DCLK2: variants seen among roughly 807,000 people sequenced by gnomAD.
The protein encoded by DCLK2 is serine/threonine-protein kinase DCLK2.
In DCLK2, 31 loss-of-function variants were observed where a neutral mutation model predicts 78.4. That is an observed-to-expected ratio of 0.40 (90% CI 0.30 to 0.53). The LOEUF (loss-of-function observed/expected upper bound fraction) is 0.53. Ranked by LOEUF, DCLK2 falls within the 20% of genes least tolerant of loss-of-function variation. The probability of loss-of-function intolerance (pLI) is 0.61; values close to 1 mark genes in which losing one functional copy is unlikely to be tolerated. For synonymous variants in DCLK2, 407 were observed against 374.9 expected, an observed-to-expected ratio of 1.09 and a Z score of -0.99; for missense variants, 872 against 973.7, an observed-to-expected ratio of 0.90 and a Z score of 1.39.
chr4:150,233,274 C>T (rs138643499), intron 10 of DCLK2, among the ~76,000 whole-genome samples: 242 of 152,276 alleles, frequency 1.6e-3, no homozygotes, highest in African/African-American at 5.7e-3. Flanking sequence ...ACCACAGGAA[C>T]AGCATGGGGG....
chr4:150,232,397 A>T lies in DCLK2; in HGVS notation c.1360A>T (p.Met454Leu), dbSNP rs1267238335. ...LRRVKHPNII[M>L]LVEEMETATE... ...CCGAGTGAAACATCCCAATATCATT[A>T]TGCTGGTCGAGGAGATGGAAACAGC... Residue 454 changes from methionine to leucine, a missense_variant, in exon 9 of 16, where the codon ATG (methionine) becomes TTG (leucine). Coordinates refer to ENST00000296550, the MANE Select transcript of DCLK2 (RefSeq NM_001040260.4). 5.0e-6 allele frequency: 8 copies of T among 1,614,080 alleles called. No individual in the cohort carries two copies. The highest frequency in any genetic ancestry group is 1.3e-5 in the African/African-American group (1 of 74,940).
intron 2 of DCLK2, among the ~76,000 whole-genome samples, chr4:150,163,937 A>G (rs563188184): frequency 2.1e-4 from 32 of 152,162 alleles, no homozygotes; most frequent in Non-Finnish European, 3.5e-4. Context: ...CCTTTGCAAC[A>G]TCTGTTTTGC....
chr4:150,249,330 C>G (rs1743570450), intron 14 of DCLK2, among the ~76,000 whole-genome samples: 1 of 152,084 alleles, frequency 6.6e-6, no homozygotes, highest in African/African-American at 2.4e-5. Context: ...TCTCCTGGGC[C>G]TACTCTAGTC....
intron 2 of DCLK2, among the ~76,000 whole-genome samples, chr4:150,109,801 C>T (rs548850116): frequency 6.6e-6 from 1 of 152,284 alleles, no homozygotes; most frequent in African/African-American, 2.4e-5. Flanking sequence ...TATTTCTGTT[C>T]AGCAGGAAAT....
At chr4:150,206,725 A>G (rs1739871889) in intron 5 of DCLK2, among the ~76,000 whole-genome samples, 2 of 152,184 alleles carry the variant, frequency 1.3e-5, no homozygotes, top group African/African-American at 4.8e-5. Flanking sequence ...ATGAGTAACT[A>G]ATGTCTCTGC....
At position 150,256,468 on chromosome 4, in the gene DCLK2, C is replaced by G. The variant is rs1744578011; in HGVS notation, c.*221C>G. ...TTCCTGGAGGCATCAAAGGCTGCAT[C>G]CGTTCTGCCAACAGCTGTTCGGAGA... On this transcript the variant is annotated 3_prime_UTR_variant, in exon 16 of 16. Transcript: ENST00000296550. The G allele has an allele frequency of 1.8e-6, 1 of 558,398 alleles. No homozygotes were observed. Among genetic ancestry groups the G allele is most frequent in the Admixed American group, 3.4e-5 (1 of 29,058 alleles). The allele number at this position is 558,398 out of a possible 1,614,324, so 34.6% of individuals were successfully genotyped here. A position where few individuals can be genotyped will look rare whatever the true frequency, so the allele number is the denominator to read the frequency against.
At position 150,232,375 on chromosome 4, in the gene DCLK2, A is replaced by G. The variant is rs1214975592; in HGVS notation, c.1338A>G (p.Arg446=). The change falls in exon 9 of 16, where the codon CGA becomes CGG. Residue 446 remains arginine (R), a synonymous_variant. Transcript: ENST00000296550. ...AGAATGAAGTGTCAATACTGCGCCG[A>G]GTGAAACATCCCAATATCATTATGC... ...LIENEVSILR[R]VKHPNIIMLV... is the part of the protein sequence containing the mutation. The G allele has an allele frequency of 3.1e-6, 5 of 1,614,168 alleles. No homozygotes were observed. Among genetic ancestry groups the G allele is most frequent in the Non-Finnish European group, 1.7e-6 (2 of 1,179,996 alleles).
chr4:150,175,145 T>A (rs1580651803), intron 2 of DCLK2, among the ~76,000 whole-genome samples: 1 of 67,724 alleles, frequency 1.5e-5, no homozygotes, highest in African/African-American at 7.9e-5. Context: ...TTTATGTATA[T>A]TTTATATATA....
chr4:150,250,862 A>AC lies in DCLK2; in HGVS notation c.2073+1183dup, dbSNP rs1385684012. On this transcript the variant is annotated intron_variant, in intron 15 of 15. Transcript: ENST00000296550. ...CCACACACATAACCCACATCCCCAC[A>AC]CCCCCAACATCCCCCACACTCCCCA... 7.7e-5 allele frequency among the ~76,000 whole-genome samples: 7 copies of AC among 91,268 alleles called. No homozygotes were observed. In the East Asian group the frequency reaches 1.1e-3, roughly 14 times the overall value. 59.9% of individuals were successfully genotyped at this position (91,268 alleles called of 152,430 possible).
intron 1 of DCLK2, among the ~76,000 whole-genome samples, chr4:150,098,309 C>T (rs535619188): frequency 2.6e-5 from 4 of 152,220 alleles, no homozygotes; most frequent in South Asian, 4.1e-4. Flanking sequence ...TTTTGTGTCA[C>T]TTTATCATAA....
intron 2 of DCLK2, among the ~76,000 whole-genome samples, chr4:150,115,788 C>G (rs62338170): frequency 6.6e-6 from 1 of 151,954 alleles, no homozygotes; most frequent in African/African-American, 2.4e-5. Context: ...ATTTATTTTC[C>G]GCAGTATTTT....
In DCLK2 at chr4:150,232,432, C is replaced by G; in HGVS notation, c.1395C>G (p.Leu465=). The G allele has an allele frequency of 6.2e-7, 1 of 1,614,030 alleles. No individual in the cohort carries two copies. The highest frequency in any genetic ancestry group is 8.5e-7 in the Non-Finnish European group (1 of 1,179,986). Reference sequence around the variant, plus strand: ...AGGAGATGGAAACAGCAACTGAGCTCTTTCTGGTGATGGAATTGGTCAAAG... The same window carrying G: ...AGGAGATGGAAACAGCAACTGAGCTGTTTCTGGTGATGGAATTGGTCAAAG... ...LVEEMETATE[L]FLVMELVKGG... The change falls in exon 9 of 16, where the codon CTC becomes CTG. Residue 465 remains leucine, a synonymous_variant. Transcript: ENST00000296550.
chr4:150,194,090 A>G (rs940712838), intron 3 of DCLK2, among the ~76,000 whole-genome samples: 3 of 150,758 alleles, frequency 2.0e-5, no homozygotes, highest in African/African-American at 7.3e-5. Flanking sequence ...TACTTTGTTT[A>G]TATACAGTCA....
intron 5 of DCLK2, among the ~76,000 whole-genome samples, chr4:150,207,587 C>CT (rs1739934534): frequency 6.6e-6 from 1 of 152,144 alleles, no homozygotes; most frequent in Non-Finnish European, 1.5e-5. Context: ...TCTGCTAAGA[C>CT]TGTGTTCTTT....
At chr4:150,082,194 A>G (rs912780217) in intron 1 of DCLK2, among the ~76,000 whole-genome samples, 2 of 152,166 alleles carry the variant, frequency 1.3e-5, no homozygotes, top group African/African-American at 4.8e-5. Context: ...CCACATTGTC[A>G]AAATTGACTG....
intron 2 of DCLK2, among the ~76,000 whole-genome samples, chr4:150,170,876 A>T (rs955226208): frequency 2.0e-5 from 3 of 152,228 alleles, no homozygotes; most frequent in African/African-American, 7.2e-5. Flanking sequence ...TAATGGAGAC[A>T]TCTAAATTGA....
At chr4:150,122,582 A>G (rs898135793) in intron 2 of DCLK2, among the ~76,000 whole-genome samples, 5 of 152,164 alleles carry the variant, frequency 3.3e-5, no homozygotes, top group African/African-American at 1.2e-4. Flanking sequence ...GGAGGGGAAC[A>G]TCACACACCA....
In DCLK2 at chr4:150,214,842, AT is replaced by A. The variant is rs1369077747; in HGVS notation, c.1057-5860del. ...CCAGGCGTGGTGGCACACGCCTGTA[AT>A]CCCAGCTACTCGGGAGGCCAAGGCA... On this transcript the variant is annotated intron_variant, in intron 5 of 15. Transcript: ENST00000296550. 2.6e-5 allele frequency among the ~76,000 whole-genome samples: 4 copies of A among 151,830 alleles called. No homozygotes were observed. In the East Asian group the frequency reaches 7.8e-4, roughly 30 times the overall value.
intron 3 of DCLK2, among the ~76,000 whole-genome samples, chr4:150,193,810 C>A (rs1385366708): frequency 6.6e-6 from 1 of 151,884 alleles, no homozygotes; most frequent in Non-Finnish European, 1.5e-5. Flanking sequence ...TGCAGTGGCA[C>A]GATCACAGCT....
Sources: gnomAD v4.1 joint callset for allele counts (sites outside exome capture counted in the v4.1 genomes callset) on GRCh38, gnomAD v4.1.1 for gene constraint, MANE v1.5 for transcripts, NCBI Gene and HGNC (gene_info 2026-07-23, HGNC 2026-07-21) for gene names.